The following GALNT17 variants were observed in gnomAD, a reference collection of about 807,000 sequenced individuals.
GALNT17 encodes the protein UDP-GalNAc:polypeptide N-acetylgalactosaminyltransferase-like 3.
In GALNT17, 29 loss-of-function variants were observed where a neutral mutation model predicts 63.7. The ratio of observed to expected loss-of-function variants is 0.46; its 90% confidence interval spans 0.34 to 0.62. The LOEUF is 0.62. Among genes scored for constraint, GALNT17 ranks in the 20% least tolerant of loss-of-function variants. The pLI is 0.01. For missense variants in GALNT17, 603 were observed against 799.6 expected, an observed-to-expected ratio of 0.75 and a Z score of 2.97; for synonymous variants, 305 against 318.3, an observed-to-expected ratio of 0.96 and a Z score of 0.45.
chr7:71,634,492 G>A (rs1168113994), intron 6 of GALNT17, among the ~76,000 whole-genome samples: 1 of 152,166 alleles, frequency 6.6e-6, no homozygotes, highest in African/African-American at 2.4e-5. Context: ...GGTGGCTCAC[G>A]CCTGTAATCC....
intron 1 of GALNT17, among the ~76,000 whole-genome samples, chr7:71,186,075 C>T (rs113259825): frequency 3.7e-4 from 57 of 152,308 alleles, no homozygotes; most frequent in African/African-American, 1.3e-3. Flanking sequence ...TTGTAAATTA[C>T]TCCATTTAGG....
In GALNT17 at chr7:71,565,199, G is replaced by A. The variant is rs574974197; in HGVS notation, c.963-6086G>A. Among the ~76,000 whole-genome samples the A allele has an allele frequency of 6.2e-4, 95 of 152,128 alleles. 1 individual carries two copies. Among genetic ancestry groups the A allele is most frequent in the African/African-American group, 2.2e-3 (92 of 41,508 alleles). On this transcript the variant is annotated intron_variant, in intron 5 of 10. Transcript: ENST00000333538. Reference sequence around the variant, plus strand: ...GGAGAATCGCTTGAACCCAGGAGGCGGAGACTGCAGTGAGCTGAGATGGCA... The same window carrying A: ...GGAGAATCGCTTGAACCCAGGAGGCAGAGACTGCAGTGAGCTGAGATGGCA...
At chr7:71,452,754 A>G (rs11771035) in intron 5 of GALNT17, among the ~76,000 whole-genome samples, 80,232 of 152,060 alleles carry the variant, frequency 0.53, 23,234 homozygotes, top group Non-Finnish European at 0.66. Context: ...CTAGTGCAGT[A>G]TCTGATAAAA....
chr7:71,598,612 A>T (rs1789921967), intron 6 of GALNT17, among the ~76,000 whole-genome samples: 1 of 152,178 alleles, frequency 6.6e-6, no homozygotes, highest in Non-Finnish European at 1.5e-5. Flanking sequence ...TAGGAATGAG[A>T]TGTCTCAACA....
At position 71,147,191 on chromosome 7, in the gene GALNT17, TTAGAGGGACAGATA is replaced by T. The variant is rs537116084; in HGVS notation, c.238+14154_238+14167del. ...CCTCATTGTATTTAGTCAGGGTTCT[TTAGAGGGACAGATA>T]TATATGAGTTTGTTAAGTATTAACT... On this transcript the variant is annotated intron_variant, in intron 1 of 10. Coordinates refer to ENST00000333538, the MANE Select transcript of GALNT17 (RefSeq NM_022479.3). Among the ~76,000 whole-genome samples, 458 of 152,268 alleles carry T rather than the reference TTAGAGGGACAGATA, an allele frequency of 3.0e-3. 3 individuals carry two copies. Among genetic ancestry groups the T allele is most frequent in the African/African-American group, 0.011 (441 of 41,556 alleles).
intron 1 of GALNT17, among the ~76,000 whole-genome samples, chr7:71,296,737 A>G (rs914742787): frequency 3.3e-5 from 5 of 151,940 alleles, no homozygotes; most frequent in Admixed American, 2.0e-4. Context: ...TAGACAGGGT[A>G]TATGTATGTA....
At chr7:71,303,750 T>C (rs1434682683) in intron 1 of GALNT17, among the ~76,000 whole-genome samples, 2 of 152,142 alleles carry the variant, frequency 1.3e-5, no homozygotes, top group East Asian at 3.9e-4. Flanking sequence ...AAGAAGCCAT[T>C]AAATTTGATG....
intron 5 of GALNT17, among the ~76,000 whole-genome samples, chr7:71,497,394 G>A (rs1788113548): frequency 6.6e-6 from 1 of 152,160 alleles, no homozygotes; most frequent in Non-Finnish European, 1.5e-5. Flanking sequence ...TCCTTGGCTT[G>A]TCGAAGGCTG....
At chr7:71,344,749 G>T (rs956953410) in intron 2 of GALNT17, among the ~76,000 whole-genome samples, 5 of 152,096 alleles carry the variant, frequency 3.3e-5, no homozygotes, top group African/African-American at 9.7e-5. Flanking sequence ...TTATTATTGT[G>T]CTACTTTTAT....
At chr7:71,530,772 G>C (rs1788707203) in intron 5 of GALNT17, among the ~76,000 whole-genome samples, 2 of 151,994 alleles carry the variant, frequency 1.3e-5, no homozygotes, top group South Asian at 4.1e-4. Context: ...GTTTCACTGT[G>C]TTAGCCAGGA....
intron 1 of GALNT17, among the ~76,000 whole-genome samples, chr7:71,206,386 A>T (rs912948764): frequency 1.3e-5 from 2 of 152,010 alleles, no homozygotes; most frequent in South Asian, 4.1e-4. Context: ...GTCATGATTC[A>T]TGATCTCCCC....
In GALNT17 at chr7:71,133,006, G is replaced by T. The variant is rs756966873; in HGVS notation, c.204G>T (p.Ser68=). The part of the protein sequence containing the change: ...PIQDAVLKRL[S]LLEDIVYRQL... ...AGGATGCGGTCCTGAAGCGCCTGTC[G>T]CTGCTGGAGGACATCGTGTACCGGC... The change falls in exon 1 of 11, where the codon TCG becomes TCT. Residue 68 remains serine, a synonymous_variant. Transcript: ENST00000333538. 1.3e-6 allele frequency: 2 copies of T among 1,593,522 alleles called. No individual in the cohort carries two copies. The highest frequency in any genetic ancestry group is 1.7e-6 in the Non-Finnish European group (2 of 1,170,356).
chr7:71,210,189 T>A (rs1165910664), intron 1 of GALNT17, among the ~76,000 whole-genome samples: 1 of 152,106 alleles, frequency 6.6e-6, no homozygotes, highest in East Asian at 1.9e-4. Flanking sequence ...TCCCAAAGTT[T>A]GAGACTTATT....
chr7:71,207,074 C>G (rs1789285514), intron 1 of GALNT17, among the ~76,000 whole-genome samples: 1 of 151,910 alleles, frequency 6.6e-6, no homozygotes, highest in Non-Finnish European at 1.5e-5. Context: ...CCACTGCACT[C>G]CAGCCTGGGC....
chr7:71,668,469 T>TCG (rs1791018332), intron 7 of GALNT17, among the ~76,000 whole-genome samples: 2 of 125,014 alleles, frequency 1.6e-5, no homozygotes, highest in South Asian at 5.3e-4. Flanking sequence ...TGAGCCAAGA[T>TCG]CGCACCATTG....
intron 5 of GALNT17, among the ~76,000 whole-genome samples, chr7:71,446,912 A>G (rs942586142): frequency 2.0e-5 from 3 of 152,190 alleles, no homozygotes; most frequent in African/African-American, 7.2e-5. Context: ...TTAGTCCTAC[A>G]TCATGCATTT....
At chr7:71,535,553 A>G (rs1174007142) in intron 5 of GALNT17, among the ~76,000 whole-genome samples, 1 of 152,230 alleles carries the variant, frequency 6.6e-6, no homozygotes, top group Non-Finnish European at 1.5e-5. Context: ...TGCAAAGTAA[A>G]TGTACATAAA....
intron 5 of GALNT17, among the ~76,000 whole-genome samples, chr7:71,535,052 A>G (rs1340770621): frequency 2.6e-5 from 4 of 152,164 alleles, no homozygotes; most frequent in Non-Finnish European, 5.9e-5. Flanking sequence ...GTAGGAGCCA[A>G]CATGCCTAGT....
At chr7:71,336,374 T>G (rs949308693) in intron 2 of GALNT17, among the ~76,000 whole-genome samples, 2 of 152,144 alleles carry the variant, frequency 1.3e-5, no homozygotes, top group African/African-American at 2.4e-5. Context: ...TTATTTTATG[T>G]TCAGGGGAAC....
Sources: gnomAD v4.1 joint callset for allele counts (sites outside exome capture counted in the v4.1 genomes callset) on GRCh38, gnomAD v4.1.1 for gene constraint, MANE v1.5 for transcripts, NCBI Gene and HGNC (gene_info 2026-07-23, HGNC 2026-07-21) for gene names.